PHLDB2: variants seen among roughly 807,000 people sequenced by gnomAD.
PHLDB2 encodes pleckstrin homology-like domain family B member 2.
A neutral mutation model predicts 123.6 loss-of-function variants in PHLDB2; 71 were observed. The observed-to-expected ratio is 0.57, with a 90% CI of 0.47 to 0.70. The LOEUF is 0.70. Ranked by LOEUF, PHLDB2 falls within the 30% of genes least tolerant of loss-of-function variation. The pLI, the probability that PHLDB2 is intolerant of heterozygous loss-of-function variation, is 0.00. For missense variants in PHLDB2, 1,446 were observed against 1,519.5 expected, an observed-to-expected ratio of 0.95 and a Z score of 0.80; for synonymous variants, 547 against 541.6, an observed-to-expected ratio of 1.01 and a Z score of -0.14.
Position 111,785,716 on chromosome 3 carries a change from C to T in PHLDB2, c.-49+53013C>T, listed in dbSNP as rs533741089. ...TAAACTTCTTTAACAAAATCTAGGA[C>T]ACACCAAGAAGGAAGTCATAATTCT... On this transcript the variant is annotated intron_variant, in intron 1 of 17. Transcript: ENST00000393923. Among the ~76,000 whole-genome samples, 3 of 152,164 alleles carry T rather than the reference C, an allele frequency of 2.0e-5. No homozygotes were observed. The East Asian group carries it at 5.8e-4, about 29-fold the overall frequency.
intron 5 of PHLDB2, among the ~76,000 whole-genome samples, chr3:111,931,450 C>T (rs1173101584): frequency 6.6e-6 from 1 of 152,174 alleles, no homozygotes; most frequent in African/African-American, 2.4e-5. Context: ...CTCATTGGCA[C>T]GTGTGACTTG....
At chr3:111,875,225 C>T (rs1432429945) in intron 1 of PHLDB2, among the ~76,000 whole-genome samples, 1 of 151,982 alleles carries the variant, frequency 6.6e-6, no homozygotes, top group African/African-American at 2.4e-5. Context: ...CTCAGCTCAC[C>T]ACAACCTCCG....
intron 1 of PHLDB2, among the ~76,000 whole-genome samples, chr3:111,826,274 A>C (rs754098418): frequency 2.9e-4 from 44 of 152,112 alleles, no homozygotes; most frequent in Non-Finnish European, 5.7e-4. Context: ...ATGCCACTGC[A>C]CTCCAGCCTG....
chr3:111,907,458 T>C (rs917876858), intron 2 of PHLDB2, among the ~76,000 whole-genome samples: 3 of 152,162 alleles, frequency 2.0e-5, no homozygotes, highest in Non-Finnish European at 2.9e-5. Context: ...CAGGGAGGCT[T>C]ACCCAAGCTG....
At chr3:111,943,399 A>G (rs1300536475) in intron 8 of PHLDB2, among the ~76,000 whole-genome samples, 1 of 152,046 alleles carries the variant, frequency 6.6e-6, no homozygotes, top group Non-Finnish European at 1.5e-5. Context: ...AGACCTCAAT[A>G]TAAAAATTAA....
chr3:111,811,690 A>T (rs2061846018), intron 1 of PHLDB2, among the ~76,000 whole-genome samples: 2 of 152,238 alleles, frequency 1.3e-5, no homozygotes, highest in East Asian at 1.9e-4. Context: ...ATGATCTTTA[A>T]ACTCTTTCTG....
intron 1 of PHLDB2, among the ~76,000 whole-genome samples, chr3:111,737,179 G>T (rs1161306519): frequency 6.6e-6 from 1 of 152,168 alleles, no homozygotes; most frequent in African/African-American, 2.4e-5. Context: ...TGTTCTGAAG[G>T]GTCCGGGAGC....
chr3:111,974,612 C>T lies in PHLDB2; in HGVS notation c.*49C>T, dbSNP rs759139585. On this transcript the variant is annotated 3_prime_UTR_variant, in exon 18 of 18. Transcript: ENST00000431670. The stretch of plus-strand genomic sequence containing the variant: ...CAGGGCAGACGGCAATAATCTCTTA[C>T]AAGAATGAAGCCATATTCAACCCCA... 37 of 1,527,144 alleles carry T rather than the reference C, an allele frequency of 2.4e-5. No homozygotes were observed. Among genetic ancestry groups the T allele is most frequent in the Admixed American group, 1.2e-4 (6 of 50,970 alleles). The allele number at this position is 1,527,144 out of a possible 1,614,324, so 94.6% of individuals were successfully genotyped here. A position where few individuals can be genotyped will look rare whatever the true frequency, so the allele number is the denominator to read the frequency against.
At chr3:111,967,048 A>T (rs1302429923) in intron 14 of PHLDB2, among the ~76,000 whole-genome samples, 1 of 151,706 alleles carries the variant, frequency 6.6e-6, no homozygotes, top group Admixed American at 6.6e-5. Flanking sequence ...GAGGAATGTC[A>T]TGTCTTTATG....
intron 1 of PHLDB2, among the ~76,000 whole-genome samples, chr3:111,774,345 CT>C (rs2060229773): frequency 6.6e-6 from 1 of 152,116 alleles, no homozygotes; most frequent in Non-Finnish European, 1.5e-5. Context: ...GGTTTAGTGG[CT>C]CAGGAAATTA....
chr3:111,870,630 AT>A (rs141498181), intron 1 of PHLDB2, among the ~76,000 whole-genome samples: 6 of 150,130 alleles, frequency 4.0e-5, no homozygotes, highest in South Asian at 2.1e-4. Context: ...GTTGAACTAG[AT>A]TTTTTTTTTC....
rs149500786 is a variant in PHLDB2, at chr3:111,927,508, A to G, written c.2002-4761A>G. Among the ~76,000 whole-genome samples, 107 of 152,320 alleles carry G rather than the reference A, an allele frequency of 7.0e-4. 1 individual carries two copies. The highest frequency in any genetic ancestry group is 2.4e-3 in the African/African-American group (101 of 41,572). ...TAGAGTGCTGGGTTCTGTGCTAAAC[A>G]GTTTGGAAATTACAAAAGTGGATTT... On this transcript the variant is annotated intron_variant, in intron 5 of 17. Coordinates refer to ENST00000431670, the MANE Select transcript of PHLDB2 (RefSeq NM_001134438.2).
chr3:111,789,751 A>G (rs2060834676), intron 1 of PHLDB2, among the ~76,000 whole-genome samples: 1 of 152,224 alleles, frequency 6.6e-6, no homozygotes, highest in African/African-American at 2.4e-5. Context: ...AACAGCGACC[A>G]ACAAATAGCA....
rs373213975 is a variant in PHLDB2, at chr3:111,939,720, T to C, written c.2286+90T>C. The C allele has an allele frequency of 2.7e-5, 35 of 1,316,060 alleles. No individual in the cohort carries two copies. The African/African-American group carries it at 5.0e-4, about 19-fold the overall frequency. The allele number at this position is 1,316,060 out of a possible 1,614,324, so 81.5% of individuals were successfully genotyped here. Reference sequence around the variant, plus strand: ...ACATATGTCTGTCTGAATATCACATTTGACAGATTACGTAGTCTGCCATGT... The same window carrying C: ...ACATATGTCTGTCTGAATATCACATCTGACAGATTACGTAGTCTGCCATGT... On this transcript the variant is annotated intron_variant, in intron 7 of 17. Coordinates refer to ENST00000431670, the MANE Select transcript of PHLDB2 (RefSeq NM_001134438.2).
rs370990175 is a variant in PHLDB2 at position 111,952,606 on chromosome 3, A to G, written c.2666A>G (p.His889Arg). 3.7e-5 allele frequency: 59 copies of G among 1,613,570 alleles called. No individual in the cohort carries two copies. The highest frequency in any genetic ancestry group is 4.9e-5 in the Non-Finnish European group (58 of 1,179,812). The change falls in exon 11 of 18, where the codon CAT becomes CGT. Residue 889 changes from histidine to arginine, a missense_variant. His to Arg is a conservative substitution (Grantham distance 29). Transcript: ENST00000431670. ...FRSLEERKKQ[H>R]KEGLYLSDTL... Reference sequence around the variant, plus strand: ...AGTCTGGAAGAAAGGAAAAAACAGCATAAAGAAGGCCTCTATCTGAGTGAT... The same window carrying G: ...AGTCTGGAAGAAAGGAAAAAACAGCGTAAAGAAGGCCTCTATCTGAGTGAT...
At chr3:111,797,507 T>G (rs994885853) in intron 1 of PHLDB2, among the ~76,000 whole-genome samples, 1 of 152,214 alleles carries the variant, frequency 6.6e-6, no homozygotes, top group African/African-American at 2.4e-5. Flanking sequence ...TTGAAAGCAA[T>G]TCAATCCATG....
At chr3:111,790,924 A>G (rs1352581731) in intron 1 of PHLDB2, among the ~76,000 whole-genome samples, 2 of 152,154 alleles carry the variant, frequency 1.3e-5, no homozygotes, top group South Asian at 2.1e-4. Context: ...TAATGTATGT[A>G]TTCATTTTAT....
intron 5 of PHLDB2, among the ~76,000 whole-genome samples, chr3:111,927,128 A>G (rs757487741): frequency 5.3e-5 from 8 of 152,244 alleles, no homozygotes; most frequent in Non-Finnish European, 1.2e-4. Flanking sequence ...TGCCTAATCT[A>G]TGAACCTATA....
intron 1 of PHLDB2, among the ~76,000 whole-genome samples, chr3:111,813,822 C>T (rs895021600): frequency 7.2e-5 from 11 of 152,152 alleles, no homozygotes; most frequent in African/African-American, 1.4e-4. Context: ...AGAGCAAACA[C>T]ATAGTTTTAT....
Sources: allele counts gnomAD v4.1 joint callset (sites outside exome capture counted in the v4.1 genomes callset), GRCh38; gene constraint gnomAD v4.1.1; transcripts MANE v1.5; gene names NCBI Gene and HGNC (gene_info 2026-07-23, HGNC 2026-07-21).